Variants in CES1 observed in about 807,000 individuals in gnomAD.
The protein encoded by CES1 is carboxylesterase 1.
In CES1, 50 loss-of-function variants were observed where a neutral mutation model predicts 53.0. The observed-to-expected ratio is 0.94, with a 90% confidence interval of 0.75 to 1.19. The LOEUF (loss-of-function observed/expected upper bound fraction) is 1.19, where lower values mean the gene tolerates loss of function less well. Ranked by LOEUF, CES1 falls within the 50% of genes most tolerant of loss-of-function variation. The pLI is 0.00. For missense variants in CES1, 534 were observed against 538.0 expected (o/e 0.99, Z 0.07); for synonymous variants, 202 against 210.1 (o/e 0.96, Z 0.33).
chr16:55,817,919 G>C (rs1300110635), intron 7 of CES1, among the ~76,000 whole-genome samples: 1 of 152,168 alleles, frequency 6.6e-6, no homozygotes, highest in Non-Finnish European at 1.5e-5. Flanking sequence ...TTTTAAGCTG[G>C]GTCCTCTGAT....
chr16:55,816,796 T>G (rs2302719), intron 8 of CES1, 128 bp downstream of exon 8: 796,706 of 1,162,362 alleles, frequency 0.69, 278,579 homozygotes, highest in Non-Finnish European at 0.73. Context: ...TACCCCTCTC[T>G]GGGCCTCAGA....
At chr16:55,831,998 T>A (rs2032700963) in intron 1 of CES1, among the ~76,000 whole-genome samples, 1 of 17,504 alleles carries the variant, frequency 5.7e-5, no homozygotes, top group Admixed American at 7.6e-4. Flanking sequence ...TTGGAGAAAC[T>A]CCCTCCCAGG....
intron 4 of CES1, 32 bp from the exon 5 acceptor site, chr16:55,821,553 A>G (rs2032199350): frequency 6.2e-7 from 1 of 1,613,672 alleles, no homozygotes; most frequent in African/African-American, 1.3e-5. Context: ...GAGGGTGGGG[A>G]GCAGAGATGT....
chr16:55,825,436 C>A (rs544023452), intron 3 of CES1, among the ~76,000 whole-genome samples: 1 of 152,216 alleles, frequency 6.6e-6, no homozygotes, highest in African/African-American at 2.4e-5. Context: ...CCATGTCCTG[C>A]CCTTCATTTA....
At chr16:55,813,835 GC>G (rs755511849) in intron 8 of CES1, among the ~76,000 whole-genome samples, 1 of 152,194 alleles carries the variant, frequency 6.6e-6, no homozygotes, top group Non-Finnish European at 1.5e-5. Context: ...AGAACACACG[GC>G]ACTAAATAGA....
intron 9 of CES1, 112 bp from the exon 10 acceptor site, chr16:55,811,122 C>CT: frequency 2.3e-6 from 2 of 855,558 alleles, no homozygotes. Context: ...ATTATGGGGG[C>CT]TTTTAAGGGC....
At chr16:55,826,075 A>T (rs2032401473) in intron 3 of CES1, 76 bp downstream of exon 3, 1 of 1,590,938 alleles carries the variant, frequency 6.3e-7, no homozygotes, top group African/African-American at 1.3e-5. Flanking sequence ...AGCTGCCTTC[A>T]CTCCCTTCCA....
rs369238199 is a variant in CES1, at chr16:55,817,056, G to A, written c.907-94C>T. The stretch of plus-strand genomic sequence containing the variant: ...GCAACAGAGGTGTCAGGTTCTTCCC[G>A]CATCACTCCGTGAATTCGTATATCT... On this transcript the variant is annotated intron_variant, in intron 7 of 13. Coordinates refer to ENST00000360526, the MANE Select transcript of CES1 (RefSeq NM_001025195.2). 143 of 1,324,204 alleles carry A rather than the reference G, an allele frequency of 1.1e-4. No individual in the cohort carries two copies. In the East Asian group the frequency reaches 1.6e-3, roughly 15 times the overall value. 82.0% of individuals were successfully genotyped at this position (1,324,204 alleles called of 1,614,324 possible). A position where few individuals can be genotyped will look rare whatever the true frequency, so the allele number is the denominator to read the frequency against.
At chr16:55,820,041 C>T (rs1367056003) in intron 6 of CES1, 4 of 563,962 alleles carry the variant, frequency 7.1e-6, no homozygotes, top group South Asian at 2.0e-5. Flanking sequence ...CACTGCCCAA[C>T]ATGGCACCAG....
chr16:55,812,280 G>T (rs2031734552), intron 9 of CES1: 1 of 156,140 alleles, frequency 6.4e-6, no homozygotes, highest in Admixed American at 6.2e-5. Flanking sequence ...AACTGTGCAG[G>T]TTTGATCATG....
intron 3 of CES1, among the ~76,000 whole-genome samples, 175 bp from the exon 4 acceptor site, chr16:55,823,858 A>C (rs557626989): frequency 6.6e-6 from 1 of 152,248 alleles, no homozygotes; most frequent in Admixed American, 6.5e-5. Context: ...AATTCTCCCA[A>C]CTGGGACCCA....
chr16:55,820,074 T>C (rs2032108687), intron 6 of CES1: 1 of 593,322 alleles, frequency 1.7e-6, no homozygotes, highest in Non-Finnish European at 3.1e-6. Context: ...AGGAGGAGTG[T>C]GGTCACAGAT....
intron 8 of CES1, among the ~76,000 whole-genome samples, chr16:55,814,970 A>C (rs1173645607): frequency 1.3e-5 from 2 of 152,238 alleles, no homozygotes; most frequent in Non-Finnish European, 2.9e-5. Flanking sequence ...CAAGAGGAGC[A>C]GCCCCTCTGG....
chr16:55,818,132 G>A (rs1158596175), intron 7 of CES1, among the ~76,000 whole-genome samples: 3 of 152,160 alleles, frequency 2.0e-5, no homozygotes, highest in South Asian at 2.1e-4. Flanking sequence ...TCAGGTCCAA[G>A]GAGAGAGTCC....
At chr16:55,811,280 G>A (rs1379694812) in intron 9 of CES1, among the ~76,000 whole-genome samples, 3 of 151,858 alleles carry the variant, frequency 2.0e-5, no homozygotes, top group Admixed American at 6.6e-5. Context: ...GTGTGTGCGC[G>A]CGTGTGTGTG....
intron 3 of CES1, among the ~76,000 whole-genome samples, chr16:55,825,922 A>C (rs1391078439): frequency 6.6e-6 from 1 of 152,252 alleles, no homozygotes; most frequent in Non-Finnish European, 1.5e-5. Context: ...ACTTGGAACA[A>C]TTAAGATGTT....
At chr16:55,827,924 T>C (rs2032481135) in intron 2 of CES1, 2 of 152,228 alleles carry the variant, frequency 1.3e-5, no homozygotes, top group Non-Finnish European at 2.9e-5. Flanking sequence ...CTCTGGGTGG[T>C]GGAATATTGT....
chr16:55,817,048 T>C (rs2142327746), intron 7 of CES1, 86 bp from the exon 8 acceptor site: 1 of 1,407,208 alleles, frequency 7.1e-7, no homozygotes, highest in Non-Finnish European at 1.0e-6. Flanking sequence ...AGGTGTCAGG[T>C]TCTTCCCGCA....
chr16:55,813,173 G>A, intron 8 of CES1, 130 bp from the exon 9 acceptor site: 1 of 1,295,304 alleles, frequency 7.7e-7, no homozygotes, highest in South Asian at 1.2e-5. Flanking sequence ...CACATGCTCA[G>A]GATCCTAACT....
Sources: gnomAD v4.1 joint callset for allele counts (sites outside exome capture counted in the v4.1 genomes callset) on GRCh38, gnomAD v4.1.1 for gene constraint, MANE v1.5 for transcripts, NCBI Gene and HGNC (gene_info 2026-07-23, HGNC 2026-07-21) for gene names.